ITGA3: variants seen among roughly 807,000 people sequenced by gnomAD.
The protein encoded by ITGA3 is integrin alpha-3.
Under a neutral mutation model 131.1 loss-of-function variants are expected in ITGA3, and 70 were observed. The observed-to-expected ratio is 0.53, with a 90% confidence interval of 0.44 to 0.65. The LOEUF is 0.65. ITGA3 is among the 30% of genes least tolerant of loss of function. ITGA3 has a pLI of 0.00. For missense variants in ITGA3, 1,098 were observed against 1,388.6 expected (o/e 0.79, Z 3.33); for synonymous variants, 537 against 571.6 (o/e 0.94, Z 0.86).
intron 6 of ITGA3, 22 bp from the exon 7 acceptor site, chr17:50,071,964 A>T (rs780977081): frequency 6.2e-7 from 1 of 1,605,610 alleles, no homozygotes; most frequent in Non-Finnish European, 8.5e-7. Flanking sequence ...TCACACTCCC[A>T]TTTCCCTCCT....
intron 1 of ITGA3, among the ~76,000 whole-genome samples, chr17:50,057,836 C>T (rs1308842212): frequency 3.3e-5 from 5 of 152,200 alleles, no homozygotes; most frequent in Non-Finnish European, 2.9e-5. Flanking sequence ...ACTCTGCCCC[C>T]GCCTTGGTTC....
Position 50,088,360 on chromosome 17 carries a change from C to T in ITGA3, c.*25C>T. On this transcript the variant is annotated 3_prime_UTR_variant, in exon 25 of 26. Coordinates refer to ENST00000320031, the MANE Select transcript of ITGA3 (RefSeq NM_002204.4). ...AGGGGGCAGCCCCCCGCCCCCGGCC[C>T]ACCTGGGTAACACGGCCTCCGGGCC... 1 of 1,539,874 alleles carries T rather than the reference C, an allele frequency of 6.5e-7. No individual in the cohort carries two copies. Among genetic ancestry groups the T allele is most frequent in the Non-Finnish European group, 8.8e-7 (1 of 1,136,054 alleles).
At position 50,079,151 on chromosome 17, in the gene ITGA3, A is replaced by T. The variant is rs1183075565; in HGVS notation, c.2476A>T (p.Asn826Tyr). 1 of 1,613,826 alleles carries T rather than the reference A, an allele frequency of 6.2e-7. No individual in the cohort carries two copies. Among genetic ancestry groups the T allele is most frequent in the Non-Finnish European group, 8.5e-7 (1 of 1,179,972 alleles). The stretch of plus-strand genomic sequence containing the variant: ...TCTGGAGTGGCCCTACGAAGTCAGC[A>T]ATGGCAAGTGGCTGCTGTATCCCAC... ...LGLEWPYEVS[N>Y]GKWLLYPTEI... The change falls in exon 20 of 26, where the codon AAT (asparagine) becomes TAT (tyrosine). Residue 826 changes from asparagine to tyrosine, a missense_variant. This residue lies in a region of ITGA3 where 699 missense variants were observed against 829.2 expected (regional missense o/e 0.84). Transcript: ENST00000320031.
At chr17:50,069,205 C>A (rs940685429) in intron 4 of ITGA3, among the ~76,000 whole-genome samples, 2 of 152,052 alleles carry the variant, frequency 1.3e-5, no homozygotes, top group African/African-American at 4.8e-5. Context: ...TTTACAAAAA[C>A]AAAAACTAAG....
At chr17:50,070,561 G>A (rs564129923) in intron 4 of ITGA3, among the ~76,000 whole-genome samples, 4 of 138,062 alleles carry the variant, frequency 2.9e-5, no homozygotes, top group African/African-American at 5.4e-5. Context: ...CAGGAGAATC[G>A]CTTGAACCCA....
At chr17:50,088,193 G>T in intron 24 of ITGA3, 32 bp from the exon 25 acceptor site, 1 of 1,544,332 alleles carries the variant, frequency 6.5e-7, no homozygotes, top group Non-Finnish European at 8.7e-7. Context: ...GCGCCCCCCT[G>T]ATGGCCCGTC....
chr17:50,070,116 G>C (rs1177408721), intron 4 of ITGA3, among the ~76,000 whole-genome samples: 1 of 152,186 alleles, frequency 6.6e-6, no homozygotes, highest in Non-Finnish European at 1.5e-5. Flanking sequence ...CTGGGTGCAG[G>C]GTCCAGCTAG....
At chr17:50,059,279 C>T (rs1405119581) in intron 1 of ITGA3, among the ~76,000 whole-genome samples, 1 of 152,206 alleles carries the variant, frequency 6.6e-6, no homozygotes, top group East Asian at 1.9e-4. Context: ...GACACCCTCT[C>T]TGCTCCAGCA....
At position 50,056,119 on chromosome 17, in the gene ITGA3, G is replaced by C. The variant is rs1907790100; in HGVS notation, c.-321G>C. 1.0e-5 allele frequency: 3 copies of C among 286,926 alleles called. No individual in the cohort carries two copies. The highest frequency in any genetic ancestry group is 1.9e-5 in the Non-Finnish European group (3 of 155,376). 17.8% of individuals were successfully genotyped at this position (286,926 alleles called of 1,614,324 possible). ...GACCGGTGCGCTTGCCAGATCCGCC[G>C]CGAAGCCGGGATCGAAGGCGACAGC... On this transcript the variant is annotated 5_prime_UTR_variant, in exon 1 of 26. Coordinates refer to ENST00000320031, the MANE Select transcript of ITGA3 (RefSeq NM_002204.4). The surrounding 1 kb of genome is among the most constrained non-coding windows in gnomAD (Gnocchi z 5.6).
chr17:50,079,149 G>A lies in ITGA3; in HGVS notation c.2474G>A (p.Ser825Asn). 6.2e-7 allele frequency: 1 copy of A among 1,613,992 alleles called. No individual in the cohort carries two copies. Among genetic ancestry groups the A allele is most frequent in the Non-Finnish European group, 8.5e-7 (1 of 1,179,980 alleles). ...VLGLEWPYEV[S>N]NGKWLLYPTE... is the part of the protein sequence containing the mutation. ...GGTCTGGAGTGGCCCTACGAAGTCAGCAATGGCAAGTGGCTGCTGTATCCC... is the reference window on the plus strand; with the variant it reads ...GGTCTGGAGTGGCCCTACGAAGTCAACAATGGCAAGTGGCTGCTGTATCCC... Residue 825 changes from serine to asparagine, a missense_variant, in exon 20 of 26, where the codon AGC (serine) becomes AAC (asparagine). Coordinates refer to ENST00000320031, the MANE Select transcript of ITGA3 (RefSeq NM_002204.4).
intron 1 of ITGA3, among the ~76,000 whole-genome samples, chr17:50,063,240 C>T (rs1598180796): frequency 6.6e-6 from 1 of 152,224 alleles, no homozygotes; most frequent in Non-Finnish European, 1.5e-5. Context: ...AGCCCTTTCC[C>T]TCCCCACCTG....
intron 13 of ITGA3, 43 bp from the exon 14 acceptor site, chr17:50,076,541 T>TGG (rs3216895): frequency 3.5e-5 from 56 of 1,585,790 alleles, no homozygotes; most frequent in Middle Eastern, 3.3e-4. Flanking sequence ...GAGAGGGCAC[T>TGG]GGGGGGGGTG....
At position 50,076,334 on chromosome 17, in the gene ITGA3, C is replaced by T. The variant is rs755229540; in HGVS notation, c.1683C>T (p.Leu561=). The T allele has an allele frequency of 6.2e-7, 1 of 1,613,618 alleles. No individual in the cohort carries two copies. Among genetic ancestry groups the T allele is most frequent in the Non-Finnish European group, 8.5e-7 (1 of 1,179,908 alleles). Residue 561 remains leucine (L), a synonymous_variant, in exon 13 of 26, where the codon CTC becomes CTT. Transcript: ENST00000320031. ...QKLELLLMDN[L]RDKLRPIIIS... ...TCACCCTCTCTCCCCAGGACAACCT[C>T]CGTGACAAACTCCGCCCCATCATCA...
At chr17:50,086,024 T>C (rs1277977686) in intron 23 of ITGA3, among the ~76,000 whole-genome samples, 7 of 88 alleles carry the variant, frequency 0.08, 3 homozygotes, top group African/African-American at 0.23. Context: ...TTATAATATA[T>C]ATTAGATTAT....
chr17:50,080,187 G>A (rs1024563765), intron 21 of ITGA3, 75 bp from the exon 22 acceptor site: 34 of 869,090 alleles, frequency 3.9e-5, no homozygotes, highest in African/African-American at 6.6e-5. Flanking sequence ...TGGAAGGGGC[G>A]GGAGGTAAGG....
chr17:50,074,604 C>G, intron 10 of ITGA3, 70 bp downstream of exon 10: 1 of 1,094,734 alleles, frequency 9.1e-7, no homozygotes, highest in South Asian at 1.3e-5. Flanking sequence ...AGCTCCCAAA[C>G]CCCTCCCCTG....
At chr17:50,057,824 A>G (rs1032493775) in intron 1 of ITGA3, among the ~76,000 whole-genome samples, 1 of 152,214 alleles carries the variant, frequency 6.6e-6, no homozygotes, top group Non-Finnish European at 1.5e-5. Flanking sequence ...TCCAAAGTCC[A>G]AACTCTGCCC....
Position 50,079,420 on chromosome 17 carries a change from C to T in ITGA3, c.2584-15C>T. 6.4e-7 allele frequency: 1 copy of T among 1,553,306 alleles called. No homozygotes were observed. The highest frequency in any genetic ancestry group is 8.7e-7 in the Non-Finnish European group (1 of 1,148,684). ...TTCCTCTGCCCTGCCAGCAAATCTC[C>T]TATTTCCTCTCCAGGACCCTGGGGA... is the stretch of plus-strand genomic sequence containing the variant. On this transcript the variant is annotated splice_polypyrimidine_tract_variant and intron_variant, in intron 20 of 25. Transcript: ENST00000320031.
intron 23 of ITGA3, chr17:50,086,606 T>A (rs1390620875): frequency 1.3e-5 from 2 of 149,514 alleles, no homozygotes; most frequent in Non-Finnish European, 3.0e-5. Flanking sequence ...GGAGAATTGC[T>A]TGAACCTGGG....
Sources: gnomAD v4.1 joint callset for allele counts (sites outside exome capture counted in the v4.1 genomes callset) on GRCh38, gnomAD v4.1.1 for gene constraint, gnomAD v4.1.1 regional missense constraint, Gnocchi (gnomAD v3.1) non-coding constraint, MANE v1.5 for transcripts, NCBI Gene and HGNC (gene_info 2026-07-23, HGNC 2026-07-21) for gene names.